SLC35F1: variants seen among roughly 807,000 people sequenced by gnomAD.
SLC35F1 encodes solute carrier family 35 member F1, also known as chromosome 6 open reading frame 169.
A neutral mutation model predicts 48.7 loss-of-function variants in SLC35F1; 14 were observed. The ratio of observed to expected loss-of-function variants is 0.29; its 90% CI spans 0.19 to 0.45. The LOEUF is 0.45. Among genes scored for constraint, SLC35F1 ranks in the 20% least tolerant of loss-of-function variants. The probability of loss-of-function intolerance (pLI) is 1.00; values close to 1 mark genes in which losing one functional copy is unlikely to be tolerated. For missense variants in SLC35F1, 404 were observed against 500.0 expected, an observed-to-expected ratio of 0.81 and a Z score of 1.83; for synonymous variants, 190 against 202.2, an observed-to-expected ratio of 0.94 and a Z score of 0.51.
chr6:118,073,741 A>G (rs935622766), intron 1 of SLC35F1, among the ~76,000 whole-genome samples: 1 of 152,214 alleles, frequency 6.6e-6, no homozygotes, highest in Admixed American at 6.5e-5. Context: ...TTCATATTTA[A>G]ATAATGAGTA....
Position 118,000,022 on chromosome 6 carries a change from A to T in SLC35F1, c.173+92123A>T, listed in dbSNP as rs1357096537. Among the ~76,000 whole-genome samples the T allele has an allele frequency of 2.0e-5, 3 of 151,490 alleles. No individual in the cohort carries two copies. In the East Asian group the frequency reaches 5.8e-4, roughly 29 times the overall value. On this transcript the variant is annotated intron_variant, in intron 1 of 7. Transcript: ENST00000360388. ...CACAGCCGAATTCTACCAGAGGTAC[A>T]AGGAGGAACTGGTACCATTCCTTCT... is the stretch of plus-strand genomic sequence containing the variant.
intron 2 of SLC35F1, among the ~76,000 whole-genome samples, chr6:118,198,922 T>C (rs1038425796): frequency 5.9e-5 from 9 of 152,264 alleles, no homozygotes; most frequent in African/African-American, 2.2e-4. Context: ...TCACAGCAAG[T>C]CAGGCCAAGC....
intron 1 of SLC35F1, among the ~76,000 whole-genome samples, chr6:118,048,138 A>C (rs980050896): frequency 1.3e-5 from 2 of 152,182 alleles, no homozygotes; most frequent in African/African-American, 4.8e-5. Context: ...TATTGAGATA[A>C]TCATGTGGTT....
chr6:118,134,794 C>T (rs544163034), intron 1 of SLC35F1, among the ~76,000 whole-genome samples: 66 of 152,262 alleles, frequency 4.3e-4, no homozygotes, highest in African/African-American at 1.5e-3. Context: ...TGACTTGTGC[C>T]GTTTTAGAGA....
intron 1 of SLC35F1, among the ~76,000 whole-genome samples, chr6:118,116,841 C>G (rs1773482358): frequency 6.6e-6 from 1 of 152,126 alleles, no homozygotes; most frequent in Admixed American, 6.6e-5. Flanking sequence ...ATGATTTAAT[C>G]AAATAATAGA....
intron 1 of SLC35F1, among the ~76,000 whole-genome samples, chr6:118,045,940 G>A (rs764291123): frequency 1.4e-5 from 2 of 138,170 alleles, no homozygotes; most frequent in South Asian, 2.7e-4. Flanking sequence ...GTTTGCTGAT[G>A]AGGAAAGTAG....
At chr6:118,231,979 A>T (rs1304949136) in intron 2 of SLC35F1, among the ~76,000 whole-genome samples, 1 of 152,248 alleles carries the variant, frequency 6.6e-6, no homozygotes, top group Non-Finnish European at 1.5e-5. Context: ...TCTACATTCT[A>T]ACTAGAAAAC....
At chr6:117,952,656 A>G (rs559350946) in intron 1 of SLC35F1, among the ~76,000 whole-genome samples, 66 of 152,296 alleles carry the variant, frequency 4.3e-4, no homozygotes, top group Middle Eastern at 6.8e-3. Context: ...GAGACTGGAG[A>G]CAGATTCTTC....
chr6:118,152,187 G>A (rs563751205), intron 1 of SLC35F1, among the ~76,000 whole-genome samples: 125 of 152,288 alleles, frequency 8.2e-4, no homozygotes, highest in Non-Finnish European at 3.4e-4. Flanking sequence ...TGGCAAAGGC[G>A]CAATGAACTT....
chr6:117,976,932 C>A (rs1174440730), intron 1 of SLC35F1, among the ~76,000 whole-genome samples: 1 of 152,074 alleles, frequency 6.6e-6, no homozygotes, highest in African/African-American at 2.4e-5. Context: ...CTTTGAAAAT[C>A]TTAATATTAT....
At chr6:117,958,377 G>A (rs1188164950) in intron 1 of SLC35F1, among the ~76,000 whole-genome samples, 4 of 152,060 alleles carry the variant, frequency 2.6e-5, no homozygotes, top group Admixed American at 6.6e-5. Context: ...AATGAATCAC[G>A]CTTATGGTCT....
chr6:118,187,882 C>A (rs551624056), intron 2 of SLC35F1, among the ~76,000 whole-genome samples: 2 of 152,296 alleles, frequency 1.3e-5, no homozygotes, highest in South Asian at 2.1e-4. Flanking sequence ...AGAGTTGTTT[C>A]AAAAATAATG....
At chr6:118,125,330 A>G (rs1773607992) in intron 1 of SLC35F1, among the ~76,000 whole-genome samples, 1 of 147,486 alleles carries the variant, frequency 6.8e-6, no homozygotes, top group Admixed American at 7.0e-5. Flanking sequence ...TGCCAAGTAC[A>G]TAGACAAAAT....
intron 3 of SLC35F1, 49 bp from the exon 4 acceptor site, chr6:118,266,946 G>T: frequency 6.2e-7 from 1 of 1,601,026 alleles, no homozygotes; most frequent in Non-Finnish European, 8.6e-7. Flanking sequence ...TACATGGAAT[G>T]CTTCCTCCTG....
At chr6:118,169,212 C>T (rs73523952) in intron 2 of SLC35F1, among the ~76,000 whole-genome samples, 4,260 of 152,268 alleles carry the variant, frequency 0.028, 104 homozygotes, top group African/African-American at 0.058. Flanking sequence ...CCAAATGTAG[C>T]AATGATCACT....
chr6:118,297,678 TGAGA>T, intron 7 of SLC35F1, among the ~76,000 whole-genome samples: 1 of 114,054 alleles, frequency 8.8e-6, no homozygotes, highest in South Asian at 2.6e-4. Flanking sequence ...ATATAAGTTC[TGAGA>T]AATATATATT....
Position 118,225,811 on chromosome 6 carries a change from G to A in SLC35F1, c.350-9698G>A, listed in dbSNP as rs367697459. Among the ~76,000 whole-genome samples, 68 of 149,512 alleles carry A rather than the reference G, an allele frequency of 4.5e-4. No individual in the cohort carries two copies. In the South Asian group the frequency reaches 0.013, roughly 28 times the overall value. Reference sequence around the variant, plus strand: ...GAATGGCATGAACCCGGGAGGTGGAGCTTGCAGTGAGCCGAGATCAAGCCA... The same window carrying A: ...GAATGGCATGAACCCGGGAGGTGGAACTTGCAGTGAGCCGAGATCAAGCCA... On this transcript the variant is annotated intron_variant, in intron 2 of 7. Coordinates refer to ENST00000360388, the MANE Select transcript of SLC35F1 (RefSeq NM_001029858.4).
chr6:118,105,735 A>G (rs1283750581), intron 1 of SLC35F1, among the ~76,000 whole-genome samples: 1 of 152,198 alleles, frequency 6.6e-6, no homozygotes. Context: ...TTTATGCTTA[A>G]TGTGTGCCTG....
At chr6:118,032,554 T>A (rs1343998581) in intron 1 of SLC35F1, among the ~76,000 whole-genome samples, 1 of 152,112 alleles carries the variant, frequency 6.6e-6, no homozygotes, top group African/African-American at 2.4e-5. Flanking sequence ...CTCTTTGGAG[T>A]AGAAAAAATA....
Sources: gnomAD v4.1 joint callset for allele counts (sites outside exome capture counted in the v4.1 genomes callset) on GRCh38, gnomAD v4.1.1 for gene constraint, MANE v1.5 for transcripts, NCBI Gene and HGNC (gene_info 2026-07-23, HGNC 2026-07-21) for gene names.